Variants in EFNA5 observed in about 807,000 individuals in gnomAD.
The protein encoded by EFNA5 is ephrin-A5.
A neutral mutation model predicts 22.9 loss-of-function variants in EFNA5; 5 were observed. The observed-to-expected ratio is 0.22, with a 90% CI of 0.11 to 0.46. The LOEUF (loss-of-function observed/expected upper bound fraction) is 0.46, where lower values mean the gene tolerates loss of function less well. Ranked by LOEUF, EFNA5 falls within the 20% of genes least tolerant of loss-of-function variation. The pLI, the probability that EFNA5 is intolerant of heterozygous loss-of-function variation, is 0.99. For synonymous variants in EFNA5, 113 were observed against 112.2 expected, an observed-to-expected ratio of 1.01 and a Z score of -0.04; for missense variants, 237 against 293.3, an observed-to-expected ratio of 0.81 and a Z score of 1.40.
At chr5:107,560,783 G>A (rs677797) in intron 1 of EFNA5, among the ~76,000 whole-genome samples, 60,568 of 151,920 alleles carry the variant, frequency 0.4, 12,155 homozygotes, top group South Asian at 0.53. Flanking sequence ...CTCATCCATC[G>A]TAACAGCGAC....
chr5:107,532,377 C>A (rs1747830827), intron 1 of EFNA5, among the ~76,000 whole-genome samples: 1 of 152,190 alleles, frequency 6.6e-6, no homozygotes, highest in Non-Finnish European at 1.5e-5. Flanking sequence ...TGACCCACAC[C>A]TGACTGCCCA....
At chr5:107,526,095 G>A (rs446774) in intron 1 of EFNA5, among the ~76,000 whole-genome samples, 59,420 of 151,966 alleles carry the variant, frequency 0.39, 13,186 homozygotes, top group African/African-American at 0.59. Flanking sequence ...CAGCAAATAC[G>A]GAATTACAGA....
At chr5:107,389,671 C>T (rs1397164567) in intron 2 of EFNA5, among the ~76,000 whole-genome samples, 1 of 152,084 alleles carries the variant, frequency 6.6e-6, no homozygotes, top group African/African-American at 2.4e-5. Flanking sequence ...AAATCCAGGA[C>T]ATGAAAATTA....
At chr5:107,639,312 A>T (rs1271049233) in intron 1 of EFNA5, among the ~76,000 whole-genome samples, 1 of 152,236 alleles carries the variant, frequency 6.6e-6, no homozygotes, top group East Asian at 1.9e-4. Context: ...TGCTTAAACA[A>T]TAGTGCTAGC....
At chr5:107,508,972 G>A (rs183964102) in intron 1 of EFNA5, among the ~76,000 whole-genome samples, 13 of 152,178 alleles carry the variant, frequency 8.5e-5, no homozygotes, top group Admixed American at 5.2e-4. Context: ...ATAGTTCCTC[G>A]ATTAAATGGA....
chr5:107,583,927 C>T (rs1031654011), intron 1 of EFNA5, among the ~76,000 whole-genome samples: 5 of 151,052 alleles, frequency 3.3e-5, no homozygotes, highest in Non-Finnish European at 7.4e-5. Flanking sequence ...TTTCTGGTGA[C>T]CACAGACCTG....
chr5:107,663,688 T>C lies in EFNA5; in HGVS notation c.125+6801A>G, dbSNP rs527581641. On this transcript the variant is annotated intron_variant, in intron 1 of 4. Transcript: ENST00000333274. The stretch of plus-strand genomic sequence containing the variant: ...AGTAAAAATCATAGGAACTTTACTG[T>C]TAGACGATCTCTCCTTGAGCTACAC... 2.5e-3 allele frequency among the ~76,000 whole-genome samples: 386 copies of C among 152,244 alleles called. 4 individuals are homozygous for C. Among genetic ancestry groups the C allele is most frequent in the African/African-American group, 7.7e-3 (320 of 41,568 alleles).
chr5:107,641,698 T>G, intron 1 of EFNA5, among the ~76,000 whole-genome samples: 1 of 151,998 alleles, frequency 6.6e-6, no homozygotes, highest in Non-Finnish European at 1.5e-5. Context: ...ATTTAATTTT[T>G]AATTAAATTT....
intron 1 of EFNA5, among the ~76,000 whole-genome samples, chr5:107,574,468 T>G (rs898324072): frequency 2.0e-5 from 3 of 152,228 alleles, no homozygotes; most frequent in Admixed American, 2.0e-4. Flanking sequence ...ATAAGGGATG[T>G]GACCTGGTGC....
chr5:107,387,433 C>T (rs1013493955), intron 3 of EFNA5, 118 bp from the exon 4 acceptor site: 11 of 674,876 alleles, frequency 1.6e-5, no homozygotes, highest in Non-Finnish European at 2.5e-5. Flanking sequence ...GTCTTACAAT[C>T]AATGGCATGT....
chr5:107,419,579 T>C (rs1247844762), intron 2 of EFNA5, among the ~76,000 whole-genome samples: 2 of 152,208 alleles, frequency 1.3e-5, no homozygotes, highest in Non-Finnish European at 2.9e-5. Context: ...ACTTACTATC[T>C]GATTTTTGTG....
At chr5:107,392,551 C>T (rs74744857) in intron 2 of EFNA5, among the ~76,000 whole-genome samples, 2,584 of 152,248 alleles carry the variant, frequency 0.017, 57 homozygotes, top group African/African-American at 0.058. Flanking sequence ...TTGAGATGAC[C>T]GTTGCCTTGG....
intron 1 of EFNA5, among the ~76,000 whole-genome samples, chr5:107,527,562 G>C (rs1367376817): frequency 6.6e-6 from 1 of 151,978 alleles, no homozygotes; most frequent in Admixed American, 6.6e-5. Flanking sequence ...TGAGATTACA[G>C]GCATGAGCCA....
At chr5:107,669,678 G>A in intron 1 of EFNA5, among the ~76,000 whole-genome samples, 1 of 152,154 alleles carries the variant, frequency 6.6e-6, no homozygotes, top group Non-Finnish European at 1.5e-5. Flanking sequence ...TCGGTTCCAG[G>A]TAATCGCGCG....
intron 1 of EFNA5, among the ~76,000 whole-genome samples, chr5:107,651,391 T>C (rs1475348495): frequency 6.6e-6 from 1 of 152,146 alleles, no homozygotes; most frequent in East Asian, 1.9e-4. Context: ...AGTACTTCTG[T>C]GGCCTATAAA....
At chr5:107,554,135 C>T (rs1748357801) in intron 1 of EFNA5, among the ~76,000 whole-genome samples, 1 of 152,108 alleles carries the variant, frequency 6.6e-6, no homozygotes, top group African/African-American at 2.4e-5. Flanking sequence ...AACTTATGTC[C>T]AGAAAGCTGG....
chr5:107,589,114 T>C lies in EFNA5; in HGVS notation c.125+81375A>G, dbSNP rs567436666. 3.2e-4 allele frequency among the ~76,000 whole-genome samples: 49 copies of C among 152,238 alleles called. No homozygotes were observed. In the East Asian group the frequency reaches 8.9e-3, roughly 28 times the overall value. On this transcript the variant is annotated intron_variant, in intron 1 of 4. Transcript: ENST00000333274. ...CTTGCCATTTCAAGTGGCTGCAAAT[T>C]GGGGGCAAAGAGAGTAAACTCAAAA...
At position 107,635,405 on chromosome 5, in the gene EFNA5, G is replaced by A. The variant is rs181129797; in HGVS notation, c.125+35084C>T. Reference sequence around the variant, plus strand: ...CAATGTCAAACCACCACGAATGAAGGAAATCTTCCCCCAGCGGTTCAGCAG... The same window carrying A: ...CAATGTCAAACCACCACGAATGAAGAAAATCTTCCCCCAGCGGTTCAGCAG... On this transcript the variant is annotated intron_variant, in intron 1 of 4. Coordinates refer to ENST00000333274, the MANE Select transcript of EFNA5 (RefSeq NM_001962.3). Among the ~76,000 whole-genome samples, 340 of 152,270 alleles carry A rather than the reference G, an allele frequency of 2.2e-3. 2 individuals are homozygous for A. Among genetic ancestry groups the A allele is most frequent in the African/African-American group, 7.7e-3 (318 of 41,546 alleles).
At chr5:107,482,353 C>T (rs978032073) in intron 1 of EFNA5, among the ~76,000 whole-genome samples, 3 of 151,322 alleles carry the variant, frequency 2.0e-5, no homozygotes, top group African/African-American at 7.3e-5. Flanking sequence ...GGCAAATATA[C>T]TTATCTGTTA....
Sources: gnomAD v4.1 joint callset for allele counts (sites outside exome capture counted in the v4.1 genomes callset) on GRCh38, gnomAD v4.1.1 for gene constraint, MANE v1.5 for transcripts, NCBI Gene and HGNC (gene_info 2026-07-23, HGNC 2026-07-21) for gene names.